The following SUPT3H variants were observed in gnomAD, a reference collection of about 807,000 sequenced individuals.
SUPT3H encodes the protein SPT3 homolog, SAGA and STAGA complex component, also known as transcription initiation protein SPT3 homolog.
In SUPT3H, 44 loss-of-function variants were observed where a neutral mutation model predicts 44.3. The observed-to-expected ratio is 0.99, with a 90% CI of 0.78 to 1.28. The LOEUF (loss-of-function observed/expected upper bound fraction) is 1.28, where lower values mean the gene tolerates loss of function less well. SUPT3H is among the 50% of genes most tolerant of loss of function. SUPT3H has a pLI of 0.00. For missense variants in SUPT3H, 380 were observed against 387.1 expected (o/e 0.98, Z 0.15); for synonymous variants, 124 against 125.6 (o/e 0.99, Z 0.09).
intron 10 of SUPT3H, chr6:44,898,871 T>C (rs1282019810): frequency 6.6e-6 from 1 of 152,188 alleles, no homozygotes. Flanking sequence ...TTGGCCAAGG[T>C]GGTGAGCTGT....
chr6:45,270,405 T>C lies in SUPT3H; in HGVS notation c.101+94796A>G, dbSNP rs979841970. On this transcript the variant is annotated intron_variant, in intron 2 of 10. Transcript: ENST00000371459. ...CACCCAGTGGGAGGTGACTGAATCATGGGGGGAGGACTTTCCTATGCTGTT... is the reference window on the plus strand; with the variant it reads ...CACCCAGTGGGAGGTGACTGAATCACGGGGGGAGGACTTTCCTATGCTGTT... 3.9e-5 allele frequency among the ~76,000 whole-genome samples: 6 copies of C among 152,080 alleles called. 1 individual carries two copies. The highest frequency in any genetic ancestry group is 3.9e-4 in the Admixed American group (6 of 15,264).
At chr6:45,166,651 T>C (rs1176429783) in intron 2 of SUPT3H, among the ~76,000 whole-genome samples, 3 of 145,676 alleles carry the variant, frequency 2.1e-5, no homozygotes, top group Non-Finnish European at 4.5e-5. Flanking sequence ...AGAAGAGTAA[T>C]ATCACGACTC....
At chr6:44,995,794 A>G (rs890494374) in intron 6 of SUPT3H, among the ~76,000 whole-genome samples, 1 of 152,036 alleles carries the variant, frequency 6.6e-6, no homozygotes, top group Non-Finnish European at 1.5e-5. Context: ...TGCAGAACAA[A>G]GGAAATCAAA....
intron 2 of SUPT3H, among the ~76,000 whole-genome samples, chr6:45,198,585 G>A (rs912930418): frequency 6.6e-6 from 1 of 151,270 alleles, no homozygotes; most frequent in Admixed American, 6.6e-5. Context: ...CTTGGGAATA[G>A]CATATAACAA....
chr6:44,963,972 T>TGA (rs1254251701), intron 6 of SUPT3H, among the ~76,000 whole-genome samples: 4,569 of 151,246 alleles, frequency 0.03, 202 homozygotes, highest in African/African-American at 0.1. Flanking sequence ...CACTCCACCC[T>TGA]GGGAAACAGA....
chr6:45,047,903 T>C (rs1789653450), intron 3 of SUPT3H, among the ~76,000 whole-genome samples: 1 of 151,492 alleles, frequency 6.6e-6, no homozygotes, highest in Non-Finnish European at 1.5e-5. Flanking sequence ...TTTTGAGATA[T>C]GTCTATATAC....
intron 3 of SUPT3H, among the ~76,000 whole-genome samples, chr6:45,077,582 G>A (rs1435676523): frequency 3.2e-5 from 4 of 124,562 alleles, no homozygotes; most frequent in Admixed American, 2.2e-4. Flanking sequence ...AGCCATAATC[G>A]TGCCACTGCA....
rs550529208 is a variant in SUPT3H at position 45,107,710 on chromosome 6, T to G, written c.102-1704A>C. Among the ~76,000 whole-genome samples the G allele has an allele frequency of 3.2e-4, 48 of 152,206 alleles. 1 individual carries two copies. In the South Asian group the frequency reaches 9.5e-3, roughly 30 times the overall value. On this transcript the variant is annotated intron_variant, in intron 2 of 10. Coordinates refer to ENST00000371459, the MANE Select transcript of SUPT3H (RefSeq NM_003599.4). Reference sequence around the variant, plus strand: ...ATTTCGAACAAATAACTGAAAGAATTCCCATGGATGACATATCAAGGACCA... The same window carrying G: ...ATTTCGAACAAATAACTGAAAGAATGCCCATGGATGACATATCAAGGACCA...
At chr6:44,972,942 G>C (rs1171319233) in intron 6 of SUPT3H, among the ~76,000 whole-genome samples, 1 of 152,182 alleles carries the variant, frequency 6.6e-6, no homozygotes, top group Non-Finnish European at 1.5e-5. Context: ...GATGGGAGGG[G>C]TTGCCGTGAA....
At chr6:45,044,003 T>C (rs752360333) in intron 3 of SUPT3H, among the ~76,000 whole-genome samples, 8 of 152,202 alleles carry the variant, frequency 5.3e-5, no homozygotes, top group Admixed American at 1.3e-4. Context: ...GAAAAATACA[T>C]TTTTCCTATA....
intron 3 of SUPT3H, among the ~76,000 whole-genome samples, chr6:45,104,171 A>G (rs575533646): frequency 6.6e-6 from 1 of 152,252 alleles, no homozygotes; most frequent in African/African-American, 2.4e-5. Flanking sequence ...ATGTGGGTAA[A>G]TACAAAATAG....
At chr6:45,214,043 A>G (rs887963224) in intron 2 of SUPT3H, among the ~76,000 whole-genome samples, 2 of 137,112 alleles carry the variant, frequency 1.5e-5, no homozygotes, top group African/African-American at 5.3e-5. Flanking sequence ...AAACAAGTCA[A>G]TAGACTAAAA....
At chr6:45,230,528 T>C (rs1310194594) in intron 2 of SUPT3H, among the ~76,000 whole-genome samples, 1 of 146,852 alleles carries the variant, frequency 6.8e-6, no homozygotes, top group East Asian at 2.0e-4. Context: ...TATCTACTTC[T>C]GCTCACTTTT....
chr6:45,204,764 C>G (rs1762973928), intron 2 of SUPT3H, among the ~76,000 whole-genome samples: 1 of 152,276 alleles, frequency 6.6e-6, no homozygotes, highest in South Asian at 2.1e-4. Context: ...CCCCTAATAA[C>G]TCAGGCTGAA....
intron 2 of SUPT3H, among the ~76,000 whole-genome samples, chr6:45,200,011 C>T (rs183968118): frequency 1.3e-5 from 2 of 151,498 alleles, no homozygotes; most frequent in East Asian, 3.9e-4. Flanking sequence ...CAAAGACTCA[C>T]TCAGTCAAAT....
At chr6:44,889,135 T>G (rs199686692) in intron 10 of SUPT3H, among the ~76,000 whole-genome samples, 43 of 151,622 alleles carry the variant, frequency 2.8e-4, no homozygotes, top group Admixed American at 1.4e-3. Flanking sequence ...ACAAATGGAA[T>G]AACATTCCAT....
chr6:45,089,482 G>C lies in SUPT3H; in HGVS notation c.186+16440C>G, dbSNP rs528790857. 4.6e-5 allele frequency among the ~76,000 whole-genome samples: 7 copies of C among 151,922 alleles called. No homozygotes were observed. The East Asian group carries it at 1.4e-3, about 29-fold the overall frequency. On this transcript the variant is annotated intron_variant, in intron 3 of 10. Coordinates refer to ENST00000371459, the MANE Select transcript of SUPT3H (RefSeq NM_003599.4). ...TATTCTAAAACCCTTCTTCTTCTGC[G>C]TCTCTCATCAGAGCTTCAAATTCAT...
chr6:45,288,359 C>T (rs1338429532), intron 2 of SUPT3H, among the ~76,000 whole-genome samples: 1 of 151,700 alleles, frequency 6.6e-6, no homozygotes, highest in Non-Finnish European at 1.5e-5. Flanking sequence ...GGTTTCCTGC[C>T]ATTTTAAGTC....
chr6:44,900,582 C>T (rs1427418973), intron 10 of SUPT3H, among the ~76,000 whole-genome samples: 4 of 152,042 alleles, frequency 2.6e-5, no homozygotes, highest in African/African-American at 7.2e-5. Context: ...ACTGTGTAGA[C>T]TCCACCTCTG....
Sources: gnomAD v4.1 joint callset for allele counts (sites outside exome capture counted in the v4.1 genomes callset) on GRCh38, gnomAD v4.1.1 for gene constraint, MANE v1.5 for transcripts, NCBI Gene and HGNC (gene_info 2026-07-23, HGNC 2026-07-21) for gene names.